Variants in ROBO1 observed in about 807,000 individuals in gnomAD.
The protein encoded by ROBO1 is roundabout homolog 1.
Under a neutral mutation model 195.9 loss-of-function variants are expected in ROBO1, and 149 were observed. The observed-to-expected ratio is 0.76, with a 90% CI of 0.67 to 0.87. The LOEUF is 0.87. Ranked by LOEUF, ROBO1 falls within the 40% of genes least tolerant of loss-of-function variation. ROBO1 has a pLI of 0.00. For synonymous variants in ROBO1, 816 were observed against 733.2 expected (o/e 1.11, Z -1.82); for missense variants, 1,933 against 2,068.3 (o/e 0.93, Z 1.27).
chr3:78,820,317 G>C (rs1345811776), intron 4 of ROBO1, among the ~76,000 whole-genome samples: 2 of 152,026 alleles, frequency 1.3e-5, no homozygotes. Context: ...GTCATTTTAT[G>C]GTTCCAAATA....
intron 1 of ROBO1, among the ~76,000 whole-genome samples, chr3:79,661,038 TA>T (rs1347010712): frequency 1.3e-5 from 2 of 152,104 alleles, no homozygotes; most frequent in Non-Finnish European, 2.9e-5. Flanking sequence ...CAATTTATAC[TA>T]AAAAGTAGAT....
chr3:79,514,302 G>A (rs1940850511), intron 2 of ROBO1, among the ~76,000 whole-genome samples: 1 of 152,166 alleles, frequency 6.6e-6, no homozygotes, highest in Non-Finnish European at 1.5e-5. Context: ...TCCACGTGGT[G>A]TGCGGGGGTG....
chr3:78,714,323 A>T, intron 8 of ROBO1, 74 bp downstream of exon 8: 1 of 1,460,652 alleles, frequency 6.8e-7, no homozygotes, highest in Non-Finnish European at 9.3e-7. Context: ...CCCTATACAT[A>T]ATATTTTCTT....
rs150328972 is a variant in ROBO1 at position 78,923,912 on chromosome 3, T to C, written c.499+14689A>G. Among the ~76,000 whole-genome samples, 1,211 of 152,176 alleles carry C rather than the reference T, an allele frequency of 8.0e-3. 18 individuals carry two copies. Among genetic ancestry groups the C allele is most frequent in the African/African-American group, 0.028 (1,149 of 41,524 alleles). ...CTATGTTTTCAAATTGGTTAATACT[T>C]GCATTTATAACAGTACTTGTTATAT... On this transcript the variant is annotated intron_variant, in intron 4 of 30. Transcript: ENST00000464233.
At chr3:79,307,121 A>G (rs1278951190) in intron 2 of ROBO1, among the ~76,000 whole-genome samples, 1 of 152,158 alleles carries the variant, frequency 6.6e-6, no homozygotes, top group East Asian at 1.9e-4. Context: ...TGCAGAAGTC[A>G]TTCCTCAGCC....
chr3:79,370,910 C>T lies in ROBO1; in HGVS notation c.88+218914G>A, dbSNP rs570018064. Among the ~76,000 whole-genome samples the T allele has an allele frequency of 8.6e-5, 13 of 151,924 alleles. No individual in the cohort carries two copies. In the East Asian group the frequency reaches 2.5e-3, roughly 30 times the overall value. ...GTCCATGTGTTGTCACTGTTCAACT[C>T]CCACTTATGAGTGAGAACATGTGGT... is the stretch of plus-strand genomic sequence containing the variant. On this transcript the variant is annotated intron_variant, in intron 2 of 30. Coordinates refer to ENST00000464233, the MANE Select transcript of ROBO1 (RefSeq NM_002941.4).
intron 2 of ROBO1, among the ~76,000 whole-genome samples, chr3:79,573,296 CCTT>C (rs1339230872): frequency 2.0e-5 from 3 of 152,118 alleles, no homozygotes; most frequent in Non-Finnish European, 2.9e-5. Context: ...AAGCAATCCT[CCTT>C]CTTCTGCCTC....
intron 3 of ROBO1, among the ~76,000 whole-genome samples, chr3:79,120,216 A>G (rs1351553939): frequency 2.6e-5 from 4 of 152,204 alleles, no homozygotes; most frequent in Non-Finnish European, 5.9e-5. Flanking sequence ...AGAAATTAGG[A>G]GAGAAAAACA....
intron 4 of ROBO1, among the ~76,000 whole-genome samples, chr3:78,793,917 A>G (rs1301980239): frequency 6.6e-6 from 1 of 152,212 alleles, no homozygotes; most frequent in East Asian, 1.9e-4. Context: ...TTATTTTAAA[A>G]TATTTAAATT....
intron 10 of ROBO1, among the ~76,000 whole-genome samples, chr3:78,675,075 C>T (rs1387034475): frequency 2.0e-5 from 3 of 151,794 alleles, no homozygotes; most frequent in African/African-American, 7.3e-5. Flanking sequence ...AGAGTTTGAG[C>T]TTTTGAGAGA....
At chr3:79,092,067 G>T (rs780854552) in intron 3 of ROBO1, among the ~76,000 whole-genome samples, 2 of 152,088 alleles carry the variant, frequency 1.3e-5, no homozygotes, top group South Asian at 2.1e-4. Flanking sequence ...AATTAAAAGT[G>T]AATTGCAATC....
chr3:79,621,433 G>A (rs1026848689), intron 1 of ROBO1, among the ~76,000 whole-genome samples: 5 of 152,154 alleles, frequency 3.3e-5, no homozygotes, highest in South Asian at 2.1e-4. Flanking sequence ...TCACATGGAC[G>A]TGCATGACAC....
chr3:79,059,909 G>A (rs1041886787), intron 3 of ROBO1, among the ~76,000 whole-genome samples: 11 of 152,120 alleles, frequency 7.2e-5, no homozygotes, highest in African/African-American at 2.6e-4. Context: ...AGGGAACAAG[G>A]GAGATAACCA....
chr3:79,480,233 C>G (rs1469159814), intron 2 of ROBO1, among the ~76,000 whole-genome samples: 1 of 152,120 alleles, frequency 6.6e-6, no homozygotes, highest in Admixed American at 6.5e-5. Context: ...GAATCATTTT[C>G]AAAGTATTTT....
chr3:79,750,871 G>T (rs1446383229), intron 1 of ROBO1, among the ~76,000 whole-genome samples: 1 of 152,158 alleles, frequency 6.6e-6, no homozygotes, highest in African/African-American at 2.4e-5. Flanking sequence ...TGTTTCAGGT[G>T]ATGAGTCAAC....
intron 2 of ROBO1, among the ~76,000 whole-genome samples, chr3:79,443,011 G>A (rs1049495262): frequency 4.6e-5 from 7 of 152,096 alleles, no homozygotes; most frequent in Non-Finnish European, 8.8e-5. Context: ...AGATGTCTTT[G>A]TCATTAGATG....
rs1049112147 is a variant in ROBO1, at chr3:78,668,474, T to C, written c.1630+10A>G. 6.8e-6 allele frequency: 11 copies of C among 1,613,402 alleles called. No homozygotes were observed. The African/African-American group carries it at 1.2e-4, about 18-fold the overall frequency. On this transcript the variant is annotated intron_variant, in intron 12 of 30. Coordinates refer to ENST00000464233, the MANE Select transcript of ROBO1 (RefSeq NM_002941.4). ...GCTTCACTTTAAGGGAAACACACCA[T>C]TTACTTTACCTTGAACTTCAATGTA...
intron 2 of ROBO1, among the ~76,000 whole-genome samples, chr3:79,129,286 C>CTA (rs1407440936): frequency 2.0e-5 from 3 of 151,978 alleles, no homozygotes; most frequent in Admixed American, 6.6e-5. Flanking sequence ...GAAATCTGAT[C>CTA]TATAGGCTTA....
At chr3:79,589,773 C>T in intron 2 of ROBO1, 51 bp downstream of exon 2, 2 of 1,405,936 alleles carry the variant, frequency 1.4e-6, no homozygotes, top group Non-Finnish European at 2.0e-6. Context: ...GAATTTAAAG[C>T]AAAGAGGGAA....
Sources: allele counts gnomAD v4.1 joint callset (sites outside exome capture counted in the v4.1 genomes callset), GRCh38; gene constraint gnomAD v4.1.1; transcripts MANE v1.5; gene names NCBI Gene and HGNC (gene_info 2026-07-23, HGNC 2026-07-21).